NLRP5: variants seen among roughly 807,000 people sequenced by gnomAD.
NLRP5 encodes NACHT, LRR and PYD domains-containing protein 5.
In NLRP5, 93 loss-of-function variants were observed where a neutral mutation model predicts 113.1. The ratio of observed to expected loss-of-function variants is 0.82; its 90% CI spans 0.70 to 0.98. The LOEUF (loss-of-function observed/expected upper bound fraction) is 0.98, where lower values mean the gene tolerates loss of function less well. NLRP5 is among the 50% of genes least tolerant of loss of function. The pLI, the probability that NLRP5 is intolerant of heterozygous loss-of-function variation, is 0.00. For missense variants in NLRP5, 1,808 were observed against 1,514.3 expected, an observed-to-expected ratio of 1.19 and a Z score of -3.22; for synonymous variants, 751 against 600.7, an observed-to-expected ratio of 1.25 and a Z score of -3.66.
intron 2 of NLRP5, 144 bp from the exon 3 acceptor site, chr19:56,008,644 T>C (rs1356255751): frequency 1.4e-6 from 1 of 710,544 alleles, no homozygotes; most frequent in Non-Finnish European, 2.5e-6. Context: ...TTGTCTCCGT[T>C]ATAGGCCAAT....
At chr19:56,045,896 G>T (rs1190254245) in intron 11 of NLRP5, among the ~76,000 whole-genome samples, 1 of 152,172 alleles carries the variant, frequency 6.6e-6, no homozygotes, top group Non-Finnish European at 1.5e-5. Context: ...GGAGCTAGCT[G>T]TTTTTCTTCT....
chr19:56,055,533 C>T (rs373001382), intron 13 of NLRP5, among the ~76,000 whole-genome samples: 3 of 99,500 alleles, frequency 3.0e-5, no homozygotes, highest in Non-Finnish European at 6.2e-5. Flanking sequence ...TTTTCTTTCT[C>T]TGTCTTTTTT....
At position 56,005,253 on chromosome 19, in the gene NLRP5, ATT is replaced by A. The variant is rs571475066; in HGVS notation, c.442+1160_442+1161del. 1.6e-3 allele frequency among the ~76,000 whole-genome samples: 200 copies of A among 123,556 alleles called. 3 individuals are homozygous for A. Among genetic ancestry groups the A allele is most frequent in the Admixed American group, 5.1e-3 (61 of 12,030 alleles). The allele number at this position is 123,556 out of a possible 152,430, so 81.1% of individuals were successfully genotyped here. A position where few individuals can be genotyped will look rare whatever the true frequency, so the allele number is the denominator to read the frequency against. The stretch of plus-strand genomic sequence containing the variant: ...TATTTTTATATATACACACATATAT[ATT>A]TATATATACACATACACATATACAC... On this transcript the variant is annotated intron_variant, in intron 2 of 14. Coordinates refer to ENST00000390649, the MANE Select transcript of NLRP5 (RefSeq NM_153447.4).
intron 4 of NLRP5, among the ~76,000 whole-genome samples, chr19:56,018,336 T>C (rs1418780122): frequency 6.6e-6 from 1 of 152,204 alleles, no homozygotes; most frequent in Non-Finnish European, 1.5e-5. Flanking sequence ...CTAAGACGAA[T>C]TTGTATTTAG....
intron 13 of NLRP5, among the ~76,000 whole-genome samples, chr19:56,057,083 T>C (rs8106943): frequency 0.36 from 53,927 of 151,874 alleles, 9,850 homozygotes; most frequent in East Asian, 0.46. Context: ...TCGCAGTGAG[T>C]CGAGCTCGTG....
rs748784109 is a variant in NLRP5, at chr19:56,015,844, T to G, written c.565+46T>G. On this transcript the variant is annotated intron_variant, in intron 4 of 14. Transcript: ENST00000390649. The stretch of plus-strand genomic sequence containing the variant: ...CATTTGTTGCCCTCCTGGAAGAAAG[T>G]TGGGTGAGAGAAGTTCATGTAGTTC... 26 of 1,464,628 alleles carry G rather than the reference T, an allele frequency of 1.8e-5. No homozygotes were observed. The South Asian group carries it at 3.3e-4, about 19-fold the overall frequency. 90.7% of individuals were successfully genotyped at this position (1,464,628 alleles called of 1,614,324 possible).
chr19:55,989,316 C>T, the NLRP5 span, among the ~76,000 whole-genome samples: 2 of 152,140 alleles, frequency 1.3e-5, no homozygotes, highest in African/African-American at 2.4e-5. Context: ...AGTGCAATGG[C>T]TGGATCTCTA....
At chr19:55,989,003 T>C in the NLRP5 span, among the ~76,000 whole-genome samples, 2 of 152,198 alleles carry the variant, frequency 1.3e-5, no homozygotes, top group Non-Finnish European at 2.9e-5. Context: ...CATTTACCAA[T>C]AGTCAATATT....
chr19:56,026,464 G>C (rs3103610), intron 6 of NLRP5, among the ~76,000 whole-genome samples: 138,361 of 138,368 alleles, frequency 1, 69,177 homozygotes, highest in Middle Eastern at 1. Context: ...GGAAGCGGAC[G>C]TTGCAGTGAG....
At chr19:56,050,393 TC>T in intron 11 of NLRP5, 24 bp from the exon 12 acceptor site, 1 of 1,609,350 alleles carries the variant, frequency 6.2e-7, no homozygotes, top group Non-Finnish European at 8.5e-7. Context: ...ATCACGATCT[TC>T]TTTCCCATGT....
chr19:56,015,622 T>C (rs1468941857), intron 3 of NLRP5, 120 bp from the exon 4 acceptor site: 1 of 750,450 alleles, frequency 1.3e-6, no homozygotes, highest in Non-Finnish European at 2.1e-6. Flanking sequence ...GGTTCTGTGC[T>C]CTAAACTGGT....
At chr19:56,049,109 G>T (rs1159909058) in intron 11 of NLRP5, among the ~76,000 whole-genome samples, 1 of 148,824 alleles carries the variant, frequency 6.7e-6, no homozygotes, top group African/African-American at 2.5e-5. Context: ...AGCCTCCCAA[G>T]TAGCTGGGAC....
chr19:56,030,555 G>C lies in NLRP5; in HGVS notation c.2276+2046G>C, dbSNP rs143436762. On this transcript the variant is annotated intron_variant, in intron 7 of 14. Coordinates refer to ENST00000390649, the MANE Select transcript of NLRP5 (RefSeq NM_153447.4). ...GTTACTTTGTTCTTTCCACAGCCAA[G>C]AGGAGTCACAGCCTGGGCAATTTTC... Among the ~76,000 whole-genome samples, 105 of 152,192 alleles carry C rather than the reference G, an allele frequency of 6.9e-4. 2 individuals are homozygous for C. In the East Asian group the frequency reaches 0.014, roughly 21 times the overall value.
chr19:56,033,609 C>G lies in NLRP5; in HGVS notation c.2515C>G (p.Leu839Val). 1 of 1,613,744 alleles carries G rather than the reference C, an allele frequency of 6.2e-7. No homozygotes were observed. The highest frequency in any genetic ancestry group is 8.5e-7 in the Non-Finnish European group (1 of 1,179,714). Reference sequence around the variant, plus strand: ...GAGAATCGTCATGGCCAACCGTAACCTAAGATCCCTCAACTTGGGAGGCAC... The same window carrying G: ...GAGAATCGTCATGGCCAACCGTAACGTAAGATCCCTCAACTTGGGAGGCAC... The change falls in exon 9 of 15, where the codon CTA becomes GTA. Residue 839 changes from leucine (L) to valine (V), a missense_variant. By Grantham distance (32) the Leu-to-Val change is conservative. Transcript: ENST00000390649.
chr19:56,001,159 C>CT (rs34070550), intron 1 of NLRP5, among the ~76,000 whole-genome samples: 2,222 of 142,058 alleles, frequency 0.016, 55 homozygotes, highest in East Asian at 0.067. Context: ...CTTGTCTCTA[C>CT]TTTTTTTTTT....
chr19:56,028,386 T>C lies in NLRP5; in HGVS notation c.2153T>C (p.Leu718Pro). 6.2e-7 allele frequency: 1 copy of C among 1,614,016 alleles called. No individual in the cohort carries two copies. The highest frequency in any genetic ancestry group is 8.5e-7 in the Non-Finnish European group (1 of 1,179,890). Residue 718 changes from leucine to proline, a missense_variant, in exon 7 of 15, where the codon CTG becomes CCG. By Grantham distance (98) the Leu-to-Pro change is moderately conservative. Transcript: ENST00000390649. Reference sequence around the variant, plus strand: ...GTGTGGCTTCCGATTAACCAGAACCTGGACTTGATAGCATCTTCCTTCTGC... The same window carrying C: ...GTGTGGCTTCCGATTAACCAGAACCCGGACTTGATAGCATCTTCCTTCTGC...
chr19:56,060,262 T>TG lies in NLRP5; in HGVS notation c.3471-1129dup, dbSNP rs559717732. Among the ~76,000 whole-genome samples, 287 of 152,208 alleles carry TG rather than the reference T, an allele frequency of 1.9e-3. 1 individual carries two copies. Among genetic ancestry groups the TG allele is most frequent in the African/African-American group, 6.6e-3 (273 of 41,548 alleles). On this transcript the variant is annotated intron_variant, in intron 14 of 14. Transcript: ENST00000390649. Reference sequence around the variant, plus strand: ...TGGGTCTATTTCCCCATCTGTGAAATGGGGGCGGTGCTATGTATCTATTTA... The same window carrying TG: ...TGGGTCTATTTCCCCATCTGTGAAATGGGGGGCGGTGCTATGTATCTATTTA...
At chr19:55,999,218 T>C (rs533356747), upstream of NLRP5, among the ~76,000 whole-genome samples, 102 of 146,360 alleles carry the variant, frequency 7.0e-4, no homozygotes, top group Admixed American at 1.4e-3. Flanking sequence ...TTTTCTTTTT[T>C]TTTTTTTTTT....
At chr19:56,006,265 G>C (rs1287009724) in intron 2 of NLRP5, among the ~76,000 whole-genome samples, 1 of 152,088 alleles carries the variant, frequency 6.6e-6, no homozygotes, top group Non-Finnish European at 1.5e-5. Context: ...TCACACACCG[G>C]GGTCTGTTGT....
Sources: allele counts gnomAD v4.1 joint callset (sites outside exome capture counted in the v4.1 genomes callset), GRCh38; gene constraint gnomAD v4.1.1; transcripts MANE v1.5; gene names NCBI Gene and HGNC (gene_info 2026-07-23, HGNC 2026-07-21).